Variants in ATXN1 observed in about 807,000 individuals in gnomAD.
The protein encoded by ATXN1 is ataxin-1.
A neutral mutation model predicts 56.4 loss-of-function variants in ATXN1; 8 were observed. That is an observed-to-expected ratio of 0.14 (90% CI 0.08 to 0.26). ATXN1 has a LOEUF of 0.26. Ranked by LOEUF, ATXN1 falls within the 10% of genes least tolerant of loss-of-function variation. ATXN1 has a pLI of 1.00. For missense variants in ATXN1, 987 were observed against 1,106.5 expected, an observed-to-expected ratio of 0.89 and a Z score of 1.53; for synonymous variants, 514 against 494.6, an observed-to-expected ratio of 1.04 and a Z score of -0.52.
At chr6:16,658,420 A>G (rs1334282757) in intron 2 of ATXN1, among the ~76,000 whole-genome samples, 2 of 150,566 alleles carry the variant, frequency 1.3e-5, no homozygotes, top group Non-Finnish European at 2.9e-5. Context: ...TTGCCCTATA[A>G]GTAGGTAATG....
intron 6 of ATXN1, among the ~76,000 whole-genome samples, chr6:16,357,252 ATTTTATTTAT>A (rs1194086190): frequency 7.2e-6 from 1 of 139,022 alleles, no homozygotes; most frequent in African/African-American, 2.8e-5. Flanking sequence ...ATTTTATTTT[ATTTTATTTAT>A]TTTATTTTAT....
chr6:16,581,156 G>T, intron 4 of ATXN1, among the ~76,000 whole-genome samples: 1 of 151,402 alleles, frequency 6.6e-6, no homozygotes, highest in South Asian at 2.1e-4. Context: ...GGTTACATAC[G>T]GTGCCTGAAG....
chr6:16,339,477 T>C (rs192155691), intron 6 of ATXN1, among the ~76,000 whole-genome samples: 2 of 152,302 alleles, frequency 1.3e-5, no homozygotes, highest in East Asian at 3.9e-4. Context: ...ACTGAGACAC[T>C]GCACAATTCA....
rs907040799 is a variant in ATXN1, at chr6:16,760,324, G to C, written c.-730+974C>G. 1.6e-4 allele frequency among the ~76,000 whole-genome samples: 25 copies of C among 151,916 alleles called. No individual in the cohort carries two copies. Among genetic ancestry groups the C allele is most frequent in the Non-Finnish European group, 3.2e-4 (22 of 67,920 alleles). On this transcript the variant is annotated intron_variant, in intron 1 of 7. Coordinates refer to ENST00000436367, the MANE Select transcript of ATXN1 (RefSeq NM_001128164.2). This position sits in a 1 kb window ranked among gnomAD's most constrained non-coding sequence, Gnocchi z 5.3. ...GCGCAGCCGTTCACTCCCGGCTCAGGGCAGCGCCTGCCGCGGCTCCTCGTC... is the reference window on the plus strand; with the variant it reads ...GCGCAGCCGTTCACTCCCGGCTCAGCGCAGCGCCTGCCGCGGCTCCTCGTC...
intron 2 of ATXN1, among the ~76,000 whole-genome samples, chr6:16,741,116 G>A (rs1760326172): frequency 6.6e-6 from 1 of 152,146 alleles, no homozygotes; most frequent in Non-Finnish European, 1.5e-5. Context: ...TCTAACCACT[G>A]GAATCTAGTA....
In ATXN1 at chr6:16,303,820, G is replaced by T. The variant is rs755297442; in HGVS notation, c.*2509C>A. Reference sequence around the variant, plus strand: ...GAGAACAAAGTCTATGTGGCAGCCCGTATTCCTCTTACCATCAAAGGCTAA... The same window carrying T: ...GAGAACAAAGTCTATGTGGCAGCCCTTATTCCTCTTACCATCAAAGGCTAA... On this transcript the variant is annotated 3_prime_UTR_variant, in exon 8 of 8. Transcript: ENST00000436367. This position sits in a 1 kb window ranked among gnomAD's most constrained non-coding sequence, Gnocchi z 4.3. The T allele has an allele frequency of 2.6e-5, 4 of 152,556 alleles. No homozygotes were observed. Among genetic ancestry groups the T allele is most frequent in the Non-Finnish European group, 5.9e-5 (4 of 68,020 alleles). 9.5% of individuals were successfully genotyped at this position (152,556 alleles called of 1,614,324 possible). A position where few individuals can be genotyped will look rare whatever the true frequency, so the allele number is the denominator to read the frequency against.
intron 6 of ATXN1, among the ~76,000 whole-genome samples, chr6:16,427,433 T>G (rs1204592629): frequency 6.6e-6 from 1 of 152,214 alleles, no homozygotes; most frequent in African/African-American, 2.4e-5. Flanking sequence ...GAGAGTTGGC[T>G]GGTTCTAAGT....
intron 6 of ATXN1, among the ~76,000 whole-genome samples, chr6:16,433,684 G>T (rs1759332675): frequency 6.6e-6 from 1 of 152,200 alleles, no homozygotes; most frequent in Non-Finnish European, 1.5e-5. Context: ...TCCTTTAACT[G>T]TGACAGGCAG....
At chr6:16,426,497 T>C (rs769428025) in intron 6 of ATXN1, among the ~76,000 whole-genome samples, 6 of 152,008 alleles carry the variant, frequency 3.9e-5, no homozygotes, top group Admixed American at 6.6e-5. Flanking sequence ...GTGTTGTTCA[T>C]GTGTGAAATG....
chr6:16,480,239 T>A (rs185547679), intron 6 of ATXN1, among the ~76,000 whole-genome samples: 252 of 151,530 alleles, frequency 1.7e-3, no homozygotes, highest in Non-Finnish European at 1.9e-3. Context: ...ATCCTCATGC[T>A]ATGTTTTTGT....
At chr6:16,737,066 AATG>A (rs1760160362) in intron 2 of ATXN1, 1 of 152,234 alleles carries the variant, frequency 6.6e-6, no homozygotes, top group South Asian at 2.1e-4. Flanking sequence ...CCTTCAAAGC[AATG>A]AATTACGCAT....
At chr6:16,749,098 C>T (rs1309201804) in intron 2 of ATXN1, among the ~76,000 whole-genome samples, 1 of 152,128 alleles carries the variant, frequency 6.6e-6, no homozygotes, top group African/African-American at 2.4e-5. Flanking sequence ...TATACACGCA[C>T]GCACAAAAAC....
intron 6 of ATXN1, among the ~76,000 whole-genome samples, chr6:16,412,109 G>A (rs886841078): frequency 2.5e-4 from 38 of 152,220 alleles, no homozygotes; most frequent in African/African-American, 8.7e-4. Flanking sequence ...AGGTTGTAAC[G>A]GATGAAATTA....
chr6:16,545,414 A>C, intron 4 of ATXN1, among the ~76,000 whole-genome samples: 1 of 151,698 alleles, frequency 6.6e-6, no homozygotes, highest in Non-Finnish European at 1.5e-5. Context: ...TTGGCAATAG[A>C]AAGTAAAAAG....
At chr6:16,475,316 ACTC>A (rs1760304193) in intron 6 of ATXN1, among the ~76,000 whole-genome samples, 1 of 152,076 alleles carries the variant, frequency 6.6e-6, no homozygotes, top group South Asian at 2.1e-4. Flanking sequence ...GTTAATGACA[ACTC>A]CTATTATAGC....
chr6:16,310,678 G>A (rs565313488), intron 7 of ATXN1, among the ~76,000 whole-genome samples: 1 of 152,090 alleles, frequency 6.6e-6, no homozygotes, highest in African/African-American at 2.4e-5. Flanking sequence ...TAGTAGAGTG[G>A]GGGCTTCACC....
intron 2 of ATXN1, among the ~76,000 whole-genome samples, chr6:16,677,971 T>A (rs1758722525): frequency 6.6e-6 from 1 of 152,248 alleles, no homozygotes; most frequent in South Asian, 2.1e-4. Flanking sequence ...GCAACTTTTA[T>A]CAGGGGCTGT....
At chr6:16,557,326 C>CAAAAAAA (rs10551173) in intron 4 of ATXN1, among the ~76,000 whole-genome samples, 4 of 87,740 alleles carry the variant, frequency 4.6e-5, no homozygotes, top group Admixed American at 1.2e-4. Flanking sequence ...AACCCCATTT[C>CAAAAAAA]AAAAAAAAAA....
At chr6:16,617,840 T>C (rs1763247338) in intron 3 of ATXN1, among the ~76,000 whole-genome samples, 1 of 150,980 alleles carries the variant, frequency 6.6e-6, no homozygotes. Flanking sequence ...ATAAAGATGA[T>C]GTCTCCTCTC....
Sources: allele counts gnomAD v4.1 joint callset (sites outside exome capture counted in the v4.1 genomes callset), GRCh38; gene constraint gnomAD v4.1.1; non-coding constraint Gnocchi (gnomAD v3.1); transcripts MANE v1.5; gene names NCBI Gene and HGNC (gene_info 2026-07-23, HGNC 2026-07-21).